The following ZNF638 variants were observed in gnomAD, a reference collection of about 807,000 sequenced individuals.
ZNF638 encodes the protein CTCL tumor antigen se33-1.
ZNF638 carries 46 observed loss-of-function variants against 195.6 expected under a neutral mutation model. That is an observed-to-expected ratio of 0.24 (90% confidence interval 0.19 to 0.30). The LOEUF is 0.30. ZNF638 is among the 10% of genes least tolerant of loss of function. ZNF638 has a pLI of 1.00. For missense variants in ZNF638, 2,440 were observed against 2,325.3 expected, an observed-to-expected ratio of 1.05 and a Z score of -1.01; for synonymous variants, 845 against 772.0, an observed-to-expected ratio of 1.09 and a Z score of -1.57.
intron 4 of ZNF638, among the ~76,000 whole-genome samples, 194 bp from the exon 5 acceptor site, chr2:71,363,760 G>C (rs977380328): frequency 6.6e-6 from 1 of 152,182 alleles, no homozygotes; most frequent in African/African-American, 2.4e-5. Context: ...CTGATAAACT[G>C]TTCTGATTGT....
Position 71,365,418 on chromosome 2 carries a change from C to A in ZNF638, c.1718-11C>A, listed in dbSNP as rs749321906. ...TTTCCAATTGAAATTATATTTATAT[C>A]TTTTTACTAGATAGAAAAAAAGCAT... On this transcript the variant is annotated splice_polypyrimidine_tract_variant and intron_variant, in intron 5 of 27. Coordinates refer to ENST00000264447, the MANE Select transcript of ZNF638 (RefSeq NM_014497.5). 6.4e-7 allele frequency: 1 copy of A among 1,560,980 alleles called. No homozygotes were observed. Among genetic ancestry groups the A allele is most frequent in the Non-Finnish European group, 8.6e-7 (1 of 1,157,738 alleles).
At chr2:71,402,137 T>C (rs372021202) in intron 16 of ZNF638, 50 bp downstream of exon 16, 7 of 1,514,568 alleles carry the variant, frequency 4.6e-6, no homozygotes, top group Non-Finnish European at 6.2e-6. Context: ...ATGCATGCTT[T>C]GAAAAACATT....
chr2:71,345,812 T>C (rs1473635706), intron 1 of ZNF638, among the ~76,000 whole-genome samples: 1 of 152,162 alleles, frequency 6.6e-6, no homozygotes, highest in Non-Finnish European at 1.5e-5. Context: ...ACCTGGCCTC[T>C]CATAGACTTT....
Position 71,427,565 on chromosome 2 carries a change from A to AAG in ZNF638, c.5545+153_5545+154dup, listed in dbSNP as rs1306858704. ...GTTAAAGTCAACAATAAATTTTCCAAAGAAATGTGTACAAGTTTCACAGTT... is the reference window on the plus strand; with the variant it reads ...GTTAAAGTCAACAATAAATTTTCCAAAGAGAAATGTGTACAAGTTTCACAGTT... On this transcript the variant is annotated intron_variant, in intron 24 of 27. Coordinates refer to ENST00000264447, the MANE Select transcript of ZNF638 (RefSeq NM_014497.5). The AAG allele has an allele frequency of 5.4e-6, 3 of 551,388 alleles. No individual in the cohort carries two copies. In the East Asian group the frequency reaches 9.8e-5, roughly 18 times the overall value. The allele number at this position is 551,388 out of a possible 1,614,324, so 34.2% of individuals were successfully genotyped here.
intron 3 of ZNF638, among the ~76,000 whole-genome samples, chr2:71,361,092 G>T (rs1159962644): frequency 6.6e-6 from 1 of 152,114 alleles, no homozygotes; most frequent in Non-Finnish European, 1.5e-5. Context: ...CTCCTGAGTA[G>T]CTAGGACCAC....
At chr2:71,336,476 A>G (rs2078672620) in intron 1 of ZNF638, among the ~76,000 whole-genome samples, 1 of 152,188 alleles carries the variant, frequency 6.6e-6, no homozygotes, top group Non-Finnish European at 1.5e-5. Flanking sequence ...GGTGGATGTA[A>G]GCAATTAACT....
intron 11 of ZNF638, among the ~76,000 whole-genome samples, chr2:71,397,982 G>A (rs190366809): frequency 2.6e-5 from 4 of 152,318 alleles, no homozygotes; most frequent in African/African-American, 7.2e-5. Flanking sequence ...ATTAGGAGCC[G>A]TGGAAGTGTG....
intron 1 of ZNF638, among the ~76,000 whole-genome samples, chr2:71,333,503 T>C (rs760076632): frequency 6.6e-6 from 1 of 152,236 alleles, no homozygotes; most frequent in Non-Finnish European, 1.5e-5. Context: ...CGGCAGGTAC[T>C]CTAGGTTAAA....
At chr2:71,358,440 T>C (rs981452906) in intron 3 of ZNF638, among the ~76,000 whole-genome samples, 2 of 152,164 alleles carry the variant, frequency 1.3e-5, no homozygotes, top group African/African-American at 4.8e-5. Context: ...CCAAAAGCAA[T>C]CAAGAGCTGA....
At chr2:71,368,243 A>G (rs746555291) in intron 6 of ZNF638, 139 bp from the exon 7 acceptor site, 46 of 726,878 alleles carry the variant, frequency 6.3e-5, no homozygotes, top group Non-Finnish European at 8.7e-5. Flanking sequence ...GGTGAAGGAA[A>G]AAGAAAAATG....
chr2:71,366,966 A>G (rs1161439027), intron 6 of ZNF638, among the ~76,000 whole-genome samples: 1 of 152,212 alleles, frequency 6.6e-6, no homozygotes, highest in East Asian at 1.9e-4. Context: ...TTTTAATATT[A>G]ATAAGTCTTC....
chr2:71,406,611 A>G (rs940610976), intron 19 of ZNF638, among the ~76,000 whole-genome samples: 4 of 152,196 alleles, frequency 2.6e-5, no homozygotes, highest in African/African-American at 9.6e-5. Context: ...ACTTACTTGT[A>G]AAATGAAAGG....
Position 71,406,241 on chromosome 2 carries a change from A to G in ZNF638, c.3114A>G (p.Val1038=), listed in dbSNP as rs555187788. ...AGTTTGGAAAAGTGGATCACCATGT[A>G]TTCATAAGTAATAGAAACAAGGTAA... ...GLQFGKVDHH[V]FISNRNKAIL... is the part of the protein sequence containing the mutation. The change falls in exon 19 of 28, where the codon GTA becomes GTG. Residue 1038 remains valine, a synonymous_variant. Coordinates refer to ENST00000264447, the MANE Select transcript of ZNF638 (RefSeq NM_014497.5). 3.7e-6 allele frequency: 6 copies of G among 1,612,298 alleles called. No individual in the cohort carries two copies. The East Asian group carries it at 1.3e-4, about 36-fold the overall frequency.
At chr2:71,403,800 A>C in intron 16 of ZNF638, 70 bp from the exon 17 acceptor site, 1 of 1,126,024 alleles carries the variant, frequency 8.9e-7, no homozygotes, top group Non-Finnish European at 1.2e-6. Context: ...GTTTGTTTAT[A>C]CTTGCAAGTC....
In ZNF638 at chr2:71,411,666, C is replaced by T. The variant is rs866267964; in HGVS notation, c.3261+3419C>T. Among the ~76,000 whole-genome samples, 222 of 102,792 alleles carry T rather than the reference C, an allele frequency of 2.2e-3. 1 individual carries two copies. The highest frequency in any genetic ancestry group is 7.6e-3 in the African/African-American group (206 of 27,082). 67.4% of individuals were successfully genotyped at this position (102,792 alleles called of 152,430 possible). A position where few individuals can be genotyped will look rare whatever the true frequency, so the allele number is the denominator to read the frequency against. ...ACAGTCCCCAGAGTGTGATATTCCC[C>T]TTCCTGTGTCCATGTGATCTCATTG... On this transcript the variant is annotated intron_variant, in intron 20 of 27. Coordinates refer to ENST00000264447, the MANE Select transcript of ZNF638 (RefSeq NM_014497.5).
At position 71,423,650 on chromosome 2, in the gene ZNF638, CTAGTATTCT is replaced by C. The variant is rs1173303618; in HGVS notation, c.4137_4145del (p.Ser1380_Leu1382del). 1 of 1,613,758 alleles carries C rather than the reference CTAGTATTCT, an allele frequency of 6.2e-7. No homozygotes were observed. The highest frequency in any genetic ancestry group is 8.5e-7 in the Non-Finnish European group (1 of 1,179,996). ...AATAAGCCTGATGAAACTAGTAAAA[CTAGTATTCT>C]GGCTGTATCAGATGTATCTAGCAGT... On this transcript the variant is annotated inframe_deletion, in exon 22 of 28. Transcript: ENST00000264447.
At chr2:71,390,125 G>C (rs1390895871) in intron 10 of ZNF638, among the ~76,000 whole-genome samples, 2 of 152,176 alleles carry the variant, frequency 1.3e-5, no homozygotes, top group African/African-American at 2.4e-5. Context: ...GTAGAAAGGG[G>C]AAACGTTGGG....
At chr2:71,367,167 CTGAG>C (rs1485322689) in intron 6 of ZNF638, among the ~76,000 whole-genome samples, 1 of 151,010 alleles carries the variant, frequency 6.6e-6, no homozygotes, top group African/African-American at 2.4e-5. Context: ...TTTGAAGAGG[CTGAG>C]TTAGTCTCAT....
intron 10 of ZNF638, among the ~76,000 whole-genome samples, chr2:71,393,057 T>G (rs1293022524): frequency 6.6e-6 from 1 of 152,200 alleles, no homozygotes; most frequent in Admixed American, 6.5e-5. Flanking sequence ...TTCAACAATT[T>G]TGTCACACAT....
Sources: gnomAD v4.1 joint callset for allele counts (sites outside exome capture counted in the v4.1 genomes callset) on GRCh38, gnomAD v4.1.1 for gene constraint, MANE v1.5 for transcripts, NCBI Gene and HGNC (gene_info 2026-07-23, HGNC 2026-07-21) for gene names.